ATP8A1: variants seen among roughly 807,000 people sequenced by gnomAD.
ATP8A1 encodes ATPase phospholipid transporting 8A1.
Under a neutral mutation model 177.7 loss-of-function variants are expected in ATP8A1, and 90 were observed. That is an observed-to-expected ratio of 0.51 (90% confidence interval 0.43 to 0.60). The LOEUF is 0.60. ATP8A1 is among the 20% of genes least tolerant of loss of function. ATP8A1 has a pLI of 0.00. For synonymous variants in ATP8A1, 493 were observed against 485.9 expected (o/e 1.01, Z -0.19); for missense variants, 1,072 against 1,392.8 (o/e 0.77, Z 3.67).
At chr4:42,549,111 G>T in intron 18 of ATP8A1, 49 bp from the exon 19 acceptor site, 1 of 1,443,930 alleles carries the variant, frequency 6.9e-7, no homozygotes, top group Non-Finnish European at 9.6e-7. Context: ...AAAGTCTTAA[G>T]CTTCTAGGAA....
chr4:42,570,069 C>A (rs147948057), intron 14 of ATP8A1, among the ~76,000 whole-genome samples: 43 of 152,200 alleles, frequency 2.8e-4, no homozygotes, highest in African/African-American at 1.0e-3. Context: ...GACGAATATA[C>A]AATAAACTTT....
intron 5 of ATP8A1, among the ~76,000 whole-genome samples, chr4:42,610,344 C>A (rs528233445): frequency 6.6e-6 from 1 of 152,162 alleles, no homozygotes; most frequent in Non-Finnish European, 1.5e-5. Context: ...GAATCACACC[C>A]ATTTTTCCCA....
At chr4:42,606,307 T>A (rs914343329) in intron 5 of ATP8A1, among the ~76,000 whole-genome samples, 2 of 152,114 alleles carry the variant, frequency 1.3e-5, no homozygotes, top group African/African-American at 4.8e-5. Flanking sequence ...CAGGCATGGC[T>A]CCCCAGGATC....
At chr4:42,610,863 A>G (rs28541671) in intron 5 of ATP8A1, among the ~76,000 whole-genome samples, 34,137 of 152,082 alleles carry the variant, frequency 0.22, 4,295 homozygotes, top group Non-Finnish European at 0.29. Flanking sequence ...ACGTGGCAGA[A>G]TATATGTTCA....
intron 25 of ATP8A1, among the ~76,000 whole-genome samples, chr4:42,480,686 G>A (rs889054698): frequency 6.6e-6 from 1 of 152,142 alleles, no homozygotes; most frequent in Admixed American, 6.5e-5. Flanking sequence ...AATATTCAGT[G>A]TCCCTTTAGA....
chr4:42,571,474 T>C (rs563008367), intron 14 of ATP8A1, among the ~76,000 whole-genome samples: 32 of 151,846 alleles, frequency 2.1e-4, no homozygotes, highest in African/African-American at 7.5e-4. Flanking sequence ...TTTTTTTTTT[T>C]TTTTTTTACA....
intron 1 of ATP8A1, among the ~76,000 whole-genome samples, chr4:42,639,136 G>A (rs766460613): frequency 1.3e-5 from 2 of 152,110 alleles, no homozygotes; most frequent in African/African-American, 2.4e-5. Flanking sequence ...CTGACAAGGC[G>A]GGGAGGTGGT....
intron 17 of ATP8A1, 100 bp downstream of exon 17, chr4:42,552,395 AATTTTTATCT>A: frequency 1.2e-6 from 1 of 858,092 alleles, no homozygotes; most frequent in South Asian, 1.7e-5. Context: ...GGTAAATAAA[AATTTTTATCT>A]AAAAAACACT....
chr4:42,563,088 G>A (rs1731005311), intron 15 of ATP8A1, among the ~76,000 whole-genome samples: 1 of 152,238 alleles, frequency 6.6e-6, no homozygotes, highest in Admixed American at 6.5e-5. Flanking sequence ...GGAGGGCTCA[G>A]AAGAAGACAA....
intron 1 of ATP8A1, among the ~76,000 whole-genome samples, chr4:42,653,336 T>G (rs943573525): frequency 1.1e-3 from 28 of 25,684 alleles, no homozygotes; most frequent in Non-Finnish European, 1.5e-3. Flanking sequence ...ATATTTTGTG[T>G]GTGTTTTGTC....
chr4:42,571,766 C>T (rs963438964), intron 14 of ATP8A1, among the ~76,000 whole-genome samples: 4 of 152,134 alleles, frequency 2.6e-5, no homozygotes, highest in Non-Finnish European at 5.9e-5. Flanking sequence ...AATAATTTTG[C>T]AGTGCATTCC....
chr4:42,643,372 C>T (rs1485878386), intron 1 of ATP8A1, among the ~76,000 whole-genome samples: 1 of 152,132 alleles, frequency 6.6e-6, no homozygotes, highest in Non-Finnish European at 1.5e-5. Context: ...ACACATGGGA[C>T]TTTCTCACTC....
intron 22 of ATP8A1, among the ~76,000 whole-genome samples, chr4:42,514,022 T>A (rs1418640958): frequency 6.6e-6 from 1 of 152,206 alleles, no homozygotes; most frequent in Non-Finnish European, 1.5e-5. Flanking sequence ...TAAAGAGACC[T>A]AACACCTTCT....
At chr4:42,420,733 A>G (rs1006787170) in intron 35 of ATP8A1, among the ~76,000 whole-genome samples, 2 of 151,832 alleles carry the variant, frequency 1.3e-5, no homozygotes, top group Non-Finnish European at 2.9e-5. Flanking sequence ...ATAATTACGA[A>G]TACATTGTTT....
intron 27 of ATP8A1, among the ~76,000 whole-genome samples, chr4:42,458,504 A>C (rs1032087779): frequency 2.0e-5 from 3 of 152,208 alleles, no homozygotes; most frequent in Admixed American, 2.0e-4. Flanking sequence ...ATAAAAAAAA[A>C]TCTCTCTTTA....
intron 33 of ATP8A1, among the ~76,000 whole-genome samples, chr4:42,435,871 T>C (rs1715937020): frequency 1.3e-5 from 2 of 152,212 alleles, no homozygotes; most frequent in South Asian, 2.1e-4. Flanking sequence ...ATCATATCTG[T>C]TCTGTGTTCC....
chr4:42,510,148 C>T (rs1402544070), intron 22 of ATP8A1, among the ~76,000 whole-genome samples: 1 of 152,094 alleles, frequency 6.6e-6, no homozygotes, highest in African/African-American at 2.4e-5. Context: ...ATTTTCTTTT[C>T]AATATATTCC....
intron 27 of ATP8A1, among the ~76,000 whole-genome samples, chr4:42,457,523 G>A (rs1407660200): frequency 2.0e-5 from 3 of 152,162 alleles, no homozygotes; most frequent in Non-Finnish European, 2.9e-5. Flanking sequence ...AACCTTTGTT[G>A]GTCTGAAGAA....
intron 6 of ATP8A1, among the ~76,000 whole-genome samples, chr4:42,592,927 C>T (rs1331957967): frequency 6.6e-6 from 1 of 152,138 alleles, no homozygotes; most frequent in Non-Finnish European, 1.5e-5. Context: ...AGACTTCAAA[C>T]ATTCAGATGG....
Sources: gnomAD v4.1 joint callset for allele counts (sites outside exome capture counted in the v4.1 genomes callset) on GRCh38, gnomAD v4.1.1 for gene constraint, MANE v1.5 for transcripts, NCBI Gene and HGNC (gene_info 2026-07-23, HGNC 2026-07-21) for gene names.